Variants in ANKS1B observed in about 807,000 individuals in gnomAD.
ANKS1B encodes ankyrin repeat and sterile alpha motif domain containing 1B.
A neutral mutation model predicts 148.3 loss-of-function variants in ANKS1B; 36 were observed. The observed-to-expected ratio is 0.24, with a 90% CI of 0.19 to 0.32. The LOEUF is 0.32. Ranked by LOEUF, ANKS1B falls within the 10% of genes least tolerant of loss-of-function variation. The pLI, the probability that ANKS1B is intolerant of heterozygous loss-of-function variation, is 1.00. For synonymous variants in ANKS1B, 542 were observed against 560.8 expected (o/e 0.97, Z 0.47); for missense variants, 1,157 against 1,542.6 (o/e 0.75, Z 4.19).
At chr12:99,481,589 A>G (rs1224448420) in intron 10 of ANKS1B, among the ~76,000 whole-genome samples, 1 of 151,870 alleles carries the variant, frequency 6.6e-6, no homozygotes, top group Non-Finnish European at 1.5e-5. Context: ...TGGTAGATCT[A>G]CATTTAGCTC....
At chr12:98,976,092 CA>C (rs2099895272) in intron 17 of ANKS1B, among the ~76,000 whole-genome samples, 1 of 152,114 alleles carries the variant, frequency 6.6e-6, no homozygotes, top group South Asian at 2.1e-4. Context: ...GTCTATAAGA[CA>C]AAAGAAGGAA....
At chr12:99,685,660 C>T (rs975050060) in intron 8 of ANKS1B, among the ~76,000 whole-genome samples, 1 of 151,848 alleles carries the variant, frequency 6.6e-6, no homozygotes, top group Admixed American at 6.6e-5. Context: ...CTGGCAATTG[C>T]AAAAATATGG....
chr12:99,459,119 A>G (rs1242615756), intron 10 of ANKS1B, among the ~76,000 whole-genome samples: 2 of 152,170 alleles, frequency 1.3e-5, no homozygotes, highest in South Asian at 2.1e-4. Flanking sequence ...TCACAAATCA[A>G]TAAATGTGAT....
chr12:99,578,545 T>G (rs1406267837), intron 9 of ANKS1B, among the ~76,000 whole-genome samples: 1 of 152,126 alleles, frequency 6.6e-6, no homozygotes, highest in East Asian at 1.9e-4. Context: ...ATAGCATTTC[T>G]ATACACCAAT....
chr12:99,436,263 A>G (rs2095459045), intron 11 of ANKS1B, among the ~76,000 whole-genome samples: 1 of 152,072 alleles, frequency 6.6e-6, no homozygotes, highest in African/African-American at 2.4e-5. Flanking sequence ...TAATGGAAAA[A>G]CTACTGAAGT....
chr12:99,720,651 C>T (rs1016376162), intron 8 of ANKS1B, among the ~76,000 whole-genome samples: 8 of 152,308 alleles, frequency 5.3e-5, no homozygotes, highest in Non-Finnish European at 8.8e-5. Context: ...GGCCTATCCT[C>T]GGAATGCTGC....
At chr12:99,452,931 T>C (rs956979706) in intron 10 of ANKS1B, among the ~76,000 whole-genome samples, 2 of 152,222 alleles carry the variant, frequency 1.3e-5, no homozygotes, top group Non-Finnish European at 2.9e-5. Context: ...CACCTCATGG[T>C]ATTCACACTT....
chr12:99,630,441 T>C (rs765121292), intron 9 of ANKS1B, among the ~76,000 whole-genome samples: 18 of 151,724 alleles, frequency 1.2e-4, no homozygotes, highest in Non-Finnish European at 2.4e-4. Context: ...TATGATTGAA[T>C]AATAAAGAAA....
intron 17 of ANKS1B, among the ~76,000 whole-genome samples, chr12:98,998,203 T>C (rs1196065266): frequency 1.3e-5 from 2 of 152,180 alleles, no homozygotes; most frequent in African/African-American, 4.8e-5. Context: ...TCATGATAAT[T>C]GTAATTAACC....
At chr12:98,830,152 CA>C (rs1296272515) in intron 18 of ANKS1B, among the ~76,000 whole-genome samples, 2 of 152,082 alleles carry the variant, frequency 1.3e-5, no homozygotes, top group African/African-American at 4.8e-5. Context: ...GGGTAAGTAG[CA>C]GGAAATGACT....
At chr12:99,635,283 A>G (rs1364429149) in intron 9 of ANKS1B, among the ~76,000 whole-genome samples, 2 of 152,164 alleles carry the variant, frequency 1.3e-5, no homozygotes, top group East Asian at 3.8e-4. Flanking sequence ...TAAAAACAGA[A>G]TCAAAGAGAT....
chr12:99,679,529 C>A (rs1030463155), intron 8 of ANKS1B, among the ~76,000 whole-genome samples: 6 of 152,052 alleles, frequency 3.9e-5, no homozygotes, highest in African/African-American at 1.4e-4. Context: ...AGGCTGGTCT[C>A]AAACTCCTGA....
intron 15 of ANKS1B, among the ~76,000 whole-genome samples, chr12:99,135,238 G>A (rs12099781): frequency 0.04 from 6,050 of 152,184 alleles, 405 homozygotes; most frequent in African/African-American, 0.14. Context: ...AAAATACAAA[G>A]AGTTGGTAAA....
At chr12:99,101,494 G>A (rs1256649783) in intron 15 of ANKS1B, among the ~76,000 whole-genome samples, 1 of 152,180 alleles carries the variant, frequency 6.6e-6, no homozygotes, top group Non-Finnish European at 1.5e-5. Flanking sequence ...TCTTGTTTGG[G>A]TAACTGATGG....
At chr12:99,615,258 C>T (rs943068015) in intron 9 of ANKS1B, among the ~76,000 whole-genome samples, 2 of 152,048 alleles carry the variant, frequency 1.3e-5, no homozygotes, top group African/African-American at 4.8e-5. Flanking sequence ...AAATCATCAA[C>T]ATAATTTTGT....
intron 10 of ANKS1B, among the ~76,000 whole-genome samples, chr12:99,496,661 C>A (rs2096607385): frequency 6.6e-6 from 1 of 152,122 alleles, no homozygotes; most frequent in Non-Finnish European, 1.5e-5. Flanking sequence ...ATTGTAAAAT[C>A]TTGCTGAATA....
chr12:98,832,963 G>A (rs1048588702), intron 17 of ANKS1B, among the ~76,000 whole-genome samples: 1 of 152,128 alleles, frequency 6.6e-6, no homozygotes, highest in African/African-American at 2.4e-5. Context: ...TAATAGAGAT[G>A]GGAGTTGCAA....
chr12:99,273,557 CTT>C (rs745470936), intron 12 of ANKS1B, among the ~76,000 whole-genome samples: 5 of 111,162 alleles, frequency 4.5e-5, no homozygotes, highest in Non-Finnish European at 1.9e-5. Flanking sequence ...TTATCAGATT[CTT>C]TTTTTTTTTT....
chr12:99,083,003 G>A (rs1044119784), intron 16 of ANKS1B, among the ~76,000 whole-genome samples: 4 of 152,096 alleles, frequency 2.6e-5, no homozygotes, highest in Admixed American at 6.6e-5. Flanking sequence ...GCAGAGAGGT[G>A]AACAATATGC....
Sources: gnomAD v4.1 joint callset for allele counts (sites outside exome capture counted in the v4.1 genomes callset) on GRCh38, gnomAD v4.1.1 for gene constraint, MANE v1.5 for transcripts, NCBI Gene and HGNC (gene_info 2026-07-23, HGNC 2026-07-21) for gene names.